The following ACAT1 variants were observed in gnomAD, a reference collection of about 807,000 sequenced individuals.
ACAT1 encodes acetyl-CoA acetyltransferase 1.
ACAT1 carries 28 observed loss-of-function variants against 47.3 expected under a neutral mutation model. The observed-to-expected ratio is 0.59, with a 90% CI of 0.44 to 0.81. The LOEUF (loss-of-function observed/expected upper bound fraction) is 0.81, where lower values mean the gene tolerates loss of function less well. Among genes scored for constraint, ACAT1 ranks in the 30% least tolerant of loss-of-function variants. The pLI is 0.00. For synonymous variants in ACAT1, 181 were observed against 173.6 expected (o/e 1.04, Z -0.34); for missense variants, 469 against 524.3 (o/e 0.89, Z 1.03).
In ACAT1 at chr11:108,142,563, G is replaced by A. The variant is rs778115454; in HGVS notation, c.940+13G>A. ...GCAAGAATAGTAGGTAAGGCCAGGC[G>A]AGGTGGCTCACACCTGTAATCCCAG... On this transcript the variant is annotated intron_variant, in intron 9 of 11. Transcript: ENST00000265838. The A allele has an allele frequency of 6.9e-6, 11 of 1,603,564 alleles. No individual in the cohort carries two copies. Among genetic ancestry groups the A allele is most frequent in the East Asian group, 2.2e-5 (1 of 44,822 alleles).
chr11:108,135,129 ATATTGGTTTTAGGCT>A lies in ACAT1; in HGVS notation c.335-10_339del. On this transcript the variant is annotated splice_acceptor_variant and splice_polypyrimidine_tract_variant and coding_sequence_variant and intron_variant, in exon 5 of 12. Transcript: ENST00000265838. LOFTEE classifies it high-confidence loss of function. ...AGTATCGGTTTTTCAAAAGTGACTT[ATATTGGTTTTAGGCT>A]TACCTATTTCTACTCCATGTACCAC... 2.5e-6 allele frequency: 4 copies of A among 1,594,216 alleles called. No individual in the cohort carries two copies. Among genetic ancestry groups the A allele is most frequent in the Non-Finnish European group, 2.6e-6 (3 of 1,162,158 alleles).
At chr11:108,118,006 C>G (rs751476214), upstream of ACAT1, among the ~76,000 whole-genome samples, 35 of 152,052 alleles carry the variant, frequency 2.3e-4, no homozygotes, top group Non-Finnish European at 3.5e-4. Context: ...GTAATAAATC[C>G]CAGATAAACC....
At chr11:108,138,501 A>G (rs998919752) in intron 5 of ACAT1, among the ~76,000 whole-genome samples, 1 of 151,826 alleles carries the variant, frequency 6.6e-6, no homozygotes, top group Non-Finnish European at 1.5e-5. Flanking sequence ...GGTTCAAGCA[A>G]TCCTCCTGCC....
intron 5 of ACAT1, 61 bp downstream of exon 5, chr11:108,135,303 A>C (rs1181451470): frequency 1.2e-5 from 15 of 1,217,752 alleles, no homozygotes; most frequent in South Asian, 3.7e-5. Context: ...AAAAGACACA[A>C]AAATCTAGGC....
At chr11:108,144,885 A>G (rs866915285) in intron 10 of ACAT1, among the ~76,000 whole-genome samples, 1 of 152,282 alleles carries the variant, frequency 6.6e-6, no homozygotes. Flanking sequence ...CTGGATTCTG[A>G]AGGTAGAATA....
chr11:108,134,542 GCAGGAGCATCGCTTGAACC>G, intron 4 of ACAT1: 1 of 350,892 alleles, frequency 2.8e-6, no homozygotes, highest in South Asian at 2.8e-5. Context: ...GGAGGCTGAG[GCAGGAGCATCGCTTGAACC>G]CAGGAGGCGG....
intron 1 of ACAT1, among the ~76,000 whole-genome samples, chr11:108,123,688 TA>T (rs1253144217): frequency 9.2e-5 from 14 of 152,198 alleles, no homozygotes; most frequent in Admixed American, 1.3e-4. Flanking sequence ...GTTTTTTAAT[TA>T]TTTTTTTAAA....
At chr11:108,132,670 C>T (rs1310622566) in intron 2 of ACAT1, among the ~76,000 whole-genome samples, 6 of 151,298 alleles carry the variant, frequency 4.0e-5, no homozygotes, top group East Asian at 1.9e-4. Flanking sequence ...CTGGCTAACA[C>T]GGTGAAACCC....
chr11:108,123,273 C>A (rs1334132371), intron 1 of ACAT1, among the ~76,000 whole-genome samples: 1 of 152,058 alleles, frequency 6.6e-6, no homozygotes, highest in Non-Finnish European at 1.5e-5. Context: ...ACAAATACTC[C>A]TCATGAAAAA....
chr11:108,120,897 A>G (rs115256878), upstream of ACAT1, among the ~76,000 whole-genome samples: 87,703 of 150,844 alleles, frequency 0.58, 26,036 homozygotes, highest in East Asian at 0.89. Flanking sequence ...AGTCTCTACA[A>G]AAAAAAAAAA....
At chr11:108,121,555 G>T (rs1438282293), upstream of ACAT1, 1 of 1,534,086 alleles carries the variant, frequency 6.5e-7, no homozygotes, top group Non-Finnish European at 8.8e-7. Context: ...CGGGGTTGGG[G>T]AGGAGGCCGC....
chr11:108,132,226 G>A (rs1486237388), intron 2 of ACAT1, among the ~76,000 whole-genome samples: 7 of 152,056 alleles, frequency 4.6e-5, no homozygotes, highest in Admixed American at 2.6e-4. Flanking sequence ...TACTCACAGG[G>A]ACTCGCATTG....
chr11:108,121,391 A>T (rs2077144137), upstream of ACAT1: 3 of 611,172 alleles, frequency 4.9e-6, no homozygotes, highest in South Asian at 3.8e-5. Context: ...GTCTCCATCC[A>T]CGTCCTTCAC....
rs766154276 is a variant in ACAT1, at chr11:108,134,209, T to C, written c.239-12T>C. 6.2e-6 allele frequency: 10 copies of C among 1,607,638 alleles called. No homozygotes were observed. The highest frequency in any genetic ancestry group is 1.3e-5 in the African/African-American group (1 of 74,480). ...TTAAATGCCTTTTTGACTTTTTTTTTTTTTAATAAAGGGATTCCAAAAGAA... is the reference window on the plus strand; with the variant it reads ...TTAAATGCCTTTTTGACTTTTTTTTCTTTTAATAAAGGGATTCCAAAAGAA... On this transcript the variant is annotated splice_polypyrimidine_tract_variant and intron_variant, in intron 3 of 11. Transcript: ENST00000265838.
At chr11:108,146,160 T>C (rs1404480084) in intron 10 of ACAT1, 42 bp from the exon 11 acceptor site, 4 of 1,482,538 alleles carry the variant, frequency 2.7e-6, no homozygotes, top group Non-Finnish European at 1.9e-6. Context: ...AAGTTGTGAT[T>C]GCTAATTATT....
chr11:108,116,738 G>A (rs1014795990), upstream of ACAT1, among the ~76,000 whole-genome samples: 6 of 152,136 alleles, frequency 3.9e-5, no homozygotes, highest in Non-Finnish European at 8.8e-5. Flanking sequence ...ACACACAGGG[G>A]AGAAGACAGG....
chr11:108,126,190 A>G (rs2077244494), intron 1 of ACAT1, among the ~76,000 whole-genome samples: 1 of 152,100 alleles, frequency 6.6e-6, no homozygotes, highest in South Asian at 2.1e-4. Flanking sequence ...TTTAGTAGAC[A>G]CGGGGTTTCA....
chr11:108,147,120 C>T (rs2077730867), intron 11 of ACAT1, 150 bp from the exon 12 acceptor site: 4 of 911,334 alleles, frequency 4.4e-6, no homozygotes, highest in Non-Finnish European at 6.6e-6. Flanking sequence ...GAAACAAGTC[C>T]TCCAAGTTTT....
Position 108,127,421 on chromosome 11 carries a change from C to T in ACAT1, c.73-4486C>T, listed in dbSNP as rs147800318. Among the ~76,000 whole-genome samples the T allele has an allele frequency of 5.3e-3, 800 of 152,104 alleles. 8 individuals carry two copies. The highest frequency in any genetic ancestry group is 0.018 in the African/African-American group (763 of 41,500). On this transcript the variant is annotated intron_variant, in intron 1 of 11. Transcript: ENST00000265838. Reference sequence around the variant, plus strand: ...CTAGGGCTACAGGTGCCCGCCACCACGCCTGGCTAATTTTGTTTTTGTATT... The same window carrying T: ...CTAGGGCTACAGGTGCCCGCCACCATGCCTGGCTAATTTTGTTTTTGTATT...
Sources: allele counts gnomAD v4.1 joint callset (sites outside exome capture counted in the v4.1 genomes callset), GRCh38; gene constraint gnomAD v4.1.1; transcripts MANE v1.5; gene names NCBI Gene and HGNC (gene_info 2026-07-23, HGNC 2026-07-21).